Variants in ANAPC5 observed in about 807,000 individuals in gnomAD.
ANAPC5 encodes anaphase promoting complex subunit 5, also known as anaphase-promoting complex subunit 5.
A neutral mutation model predicts 91.3 loss-of-function variants in ANAPC5; 60 were observed. The ratio of observed to expected loss-of-function variants is 0.66; its 90% confidence interval spans 0.53 to 0.81. The LOEUF (loss-of-function observed/expected upper bound fraction) is 0.81, where lower values mean the gene tolerates loss of function less well. Ranked by LOEUF, ANAPC5 falls within the 40% of genes least tolerant of loss-of-function variation. The pLI is 0.00. For synonymous variants in ANAPC5, 340 were observed against 364.1 expected, an observed-to-expected ratio of 0.93 and a Z score of 0.75; for missense variants, 690 against 931.5, an observed-to-expected ratio of 0.74 and a Z score of 3.37.
At chr12:121,335,828 C>A in intron 6 of ANAPC5, 105 bp from the exon 7 acceptor site, 1 of 893,828 alleles carries the variant, frequency 1.1e-6, no homozygotes. Context: ...ATCCCATACC[C>A]TTCTAATAAG....
intron 2 of ANAPC5, chr12:121,347,474 AC>A (rs1903714712): frequency 3.5e-6 from 1 of 283,764 alleles, no homozygotes; most frequent in Admixed American, 4.9e-5. Context: ...TACTAAAAAT[AC>A]AAAAAATTAG....
rs544829395 is a variant in ANAPC5, at chr12:121,349,083, G to C, written c.208-1202C>G. ...AGTTCGAGACCAGCCTGGACAACAT[G>C]GTGAAATCCCATGCCCAGGCTGCTC... On this transcript the variant is annotated intron_variant, in intron 1 of 16. Coordinates refer to ENST00000261819, the MANE Select transcript of ANAPC5 (RefSeq NM_016237.5). 3.5e-4 allele frequency among the ~76,000 whole-genome samples: 53 copies of C among 152,326 alleles called. No homozygotes were observed. In the South Asian group the frequency reaches 0.01, roughly 30 times the overall value.
chr12:121,314,572 A>G (rs1467930532), intron 15 of ANAPC5, among the ~76,000 whole-genome samples: 1 of 152,138 alleles, frequency 6.6e-6, no homozygotes, highest in Non-Finnish European at 1.5e-5. Flanking sequence ...ATGATATTTG[A>G]TGATGAAAGA....
At chr12:121,344,581 CAA>C (rs58016198) in intron 4 of ANAPC5, among the ~76,000 whole-genome samples, 35 of 81,724 alleles carry the variant, frequency 4.3e-4, no homozygotes, top group Admixed American at 5.6e-4. Context: ...GACTTGATCT[CAA>C]AAAAAAAAAA....
chr12:121,312,399 A>C (rs1455225326), intron 15 of ANAPC5, among the ~76,000 whole-genome samples: 1 of 151,988 alleles, frequency 6.6e-6, no homozygotes, highest in Non-Finnish European at 1.5e-5. Flanking sequence ...CCCCATCTCT[A>C]CTAAAAATAC....
intron 4 of ANAPC5, among the ~76,000 whole-genome samples, chr12:121,344,738 G>C (rs1026669901): frequency 6.6e-6 from 1 of 152,140 alleles, no homozygotes; most frequent in Non-Finnish European, 1.5e-5. Context: ...GCAACCTGAG[G>C]TAGAAACTGA....
At position 121,342,065 on chromosome 12, in the gene ANAPC5, C is replaced by T; in HGVS notation, c.595G>A (p.Glu199Lys). 6.3e-7 allele frequency: 1 copy of T among 1,599,396 alleles called. No homozygotes were observed. The highest frequency in any genetic ancestry group is 8.5e-7 in the Non-Finnish European group (1 of 1,176,524). The stretch of plus-strand genomic sequence containing the variant: ...AGAGGCCCACTGCAAGATACCTCCT[C>T]TTCTCTGGAAAAAATAAAAAAACAA... ...KEELDVSVRE[E>K]EVSCSGPLSQ... The change falls in exon 5 of 17, where the codon GAG becomes AAG. Residue 199 changes from glutamate to lysine, a missense_variant. By Grantham distance (56) the Glu-to-Lys change is moderately conservative. Transcript: ENST00000261819. This position sits in a 1 kb window ranked among gnomAD's most constrained non-coding sequence, Gnocchi z 4.1.
At chr12:121,335,812 T>TC (rs1269974035) in intron 6 of ANAPC5, 89 bp from the exon 7 acceptor site, 18 of 1,109,172 alleles carry the variant, frequency 1.6e-5, no homozygotes, top group Admixed American at 2.3e-5. Context: ...CTACAAACAC[T>TC]AGTGTATCCC....
At chr12:121,325,569 T>TA (rs765059617) in intron 11 of ANAPC5, among the ~76,000 whole-genome samples, 8 of 150,178 alleles carry the variant, frequency 5.3e-5, no homozygotes, top group South Asian at 2.1e-4. Context: ...ATTCTAATAG[T>TA]AAAAAAAAAT....
intron 16 of ANAPC5, among the ~76,000 whole-genome samples, chr12:121,309,226 A>G (rs1902063475): frequency 6.6e-6 from 1 of 150,792 alleles, no homozygotes; most frequent in Non-Finnish European, 1.5e-5. Context: ...TGAGGTGGGC[A>G]GATCACAAGG....
chr12:121,316,902 A>G (rs1902389747), intron 15 of ANAPC5, among the ~76,000 whole-genome samples: 1 of 152,168 alleles, frequency 6.6e-6, no homozygotes, highest in Admixed American at 6.6e-5. Context: ...AATATTCTTC[A>G]GCCATGAAAA....
rs1903919680 is a variant in ANAPC5, at chr12:121,352,174, T to A, written c.167A>T (p.Glu56Val). ...GAGCAGCTGGTTGAGCCTCCGCCGC[T>A]CCATGAGGCTGACGGCGCCCTCGCC... The part of the protein sequence containing the change: ...RTGEGAVSLM[E>V]RRRLNQLLLP... The change falls in exon 1 of 17, where the codon GAG becomes GTG. Residue 56 changes from glutamate to valine, a missense_variant. Glu to Val is a moderately radical substitution (Grantham distance 121). Transcript: ENST00000261819. 1 of 1,612,536 alleles carries A rather than the reference T, an allele frequency of 6.2e-7. No homozygotes were observed. Among genetic ancestry groups the A allele is most frequent in the Non-Finnish European group, 8.5e-7 (1 of 1,178,936 alleles).
intron 5 of ANAPC5, among the ~76,000 whole-genome samples, chr12:121,340,577 C>T (rs1433426344): frequency 6.7e-6 from 1 of 150,032 alleles, no homozygotes; most frequent in African/African-American, 2.5e-5. Flanking sequence ...CACTTTGTCA[C>T]CCAGGCCAGA....
intron 6 of ANAPC5, among the ~76,000 whole-genome samples, chr12:121,336,720 G>A (rs1483265764): frequency 6.6e-6 from 1 of 152,122 alleles, no homozygotes; most frequent in African/African-American, 2.4e-5. Context: ...CATCAGTCTA[G>A]TATATTATCT....
At chr12:121,347,048 G>T in intron 2 of ANAPC5, 43 bp from the exon 3 acceptor site, 1 of 1,256,636 alleles carries the variant, frequency 8.0e-7, no homozygotes, top group Non-Finnish European at 1.1e-6. Context: ...AAGGCCCTTT[G>T]AATAATTTCT....
intron 15 of ANAPC5, 39 bp from the exon 16 acceptor site, chr12:121,309,902 C>T: frequency 1.3e-6 from 2 of 1,535,776 alleles, no homozygotes; most frequent in South Asian, 2.5e-5. Flanking sequence ...ATACCCAAAC[C>T]CACTGCCCTT....
chr12:121,346,582 G>T, intron 3 of ANAPC5: 1 of 251,182 alleles, frequency 4.0e-6, no homozygotes, highest in Non-Finnish European at 7.5e-6. Flanking sequence ...TCATAAGTCT[G>T]GGCTGGTGAC....
intron 11 of ANAPC5, among the ~76,000 whole-genome samples, chr12:121,325,414 G>C: frequency 6.6e-6 from 1 of 151,248 alleles, no homozygotes. Flanking sequence ...AGTGAGCTGA[G>C]ATCACACCAT....
At chr12:121,318,730 G>A in intron 13 of ANAPC5, 122 bp from the exon 14 acceptor site, 1 of 910,278 alleles carries the variant, frequency 1.1e-6, no homozygotes, top group South Asian at 1.6e-5. Flanking sequence ...TTTAATTTTT[G>A]TTGAAAGAGG....
Sources: allele counts gnomAD v4.1 joint callset (sites outside exome capture counted in the v4.1 genomes callset), GRCh38; gene constraint gnomAD v4.1.1; non-coding constraint Gnocchi (gnomAD v3.1); transcripts MANE v1.5; gene names NCBI Gene and HGNC (gene_info 2026-07-23, HGNC 2026-07-21).